GAN: variants seen among roughly 807,000 people sequenced by gnomAD.
The protein encoded by GAN is gigaxonin, also known as epididymis secretory sperm binding protein.
GAN carries 48 observed loss-of-function variants against 71.3 expected under a neutral mutation model. The ratio of observed to expected loss-of-function variants is 0.67; its 90% confidence interval spans 0.53 to 0.86. The LOEUF (loss-of-function observed/expected upper bound fraction) is 0.86. Among genes scored for constraint, GAN ranks in the 40% least tolerant of loss-of-function variants. The pLI, the probability that GAN is intolerant of heterozygous loss-of-function variation, is 0.00. For missense variants in GAN, 928 were observed against 770.1 expected, an observed-to-expected ratio of 1.21 and a Z score of -2.43; for synonymous variants, 386 against 276.8, an observed-to-expected ratio of 1.39 and a Z score of -3.92.
At chr16:81,359,690 A>G (rs1377305889) in intron 5 of GAN, among the ~76,000 whole-genome samples, 1 of 152,122 alleles carries the variant, frequency 6.6e-6, no homozygotes, top group Non-Finnish European at 1.5e-5. Flanking sequence ...TCAATGAGGG[A>G]TGCATTCCAA....
At chr16:81,364,249 T>C (rs1910773915) in intron 7 of GAN, among the ~76,000 whole-genome samples, 4 of 152,104 alleles carry the variant, frequency 2.6e-5, no homozygotes, top group Non-Finnish European at 5.9e-5. Flanking sequence ...TTTCTGTCTT[T>C]CCCTCTCTTA....
At chr16:81,316,638 T>A (rs566456363) in intron 1 of GAN, among the ~76,000 whole-genome samples, 2 of 152,352 alleles carry the variant, frequency 1.3e-5, no homozygotes, top group South Asian at 4.1e-4. Context: ...CTTCCCTGTT[T>A]GGGAAAATGC....
intron 1 of GAN, among the ~76,000 whole-genome samples, chr16:81,347,309 G>A (rs921318595): frequency 5.3e-5 from 8 of 152,172 alleles, no homozygotes; most frequent in Admixed American, 2.6e-4. Context: ...AGGAAAGAAA[G>A]TTGTCTAAAT....
chr16:81,361,797 C>G (rs1910681057), intron 5 of GAN, among the ~76,000 whole-genome samples: 1 of 152,174 alleles, frequency 6.6e-6, no homozygotes, highest in Non-Finnish European at 1.5e-5. Flanking sequence ...TGGGCTCAAG[C>G]GATCCTCCCA....
At chr16:81,363,741 T>C in intron 6 of GAN, 53 bp from the exon 7 acceptor site, 1 of 1,569,166 alleles carries the variant, frequency 6.4e-7, no homozygotes, top group Non-Finnish European at 8.8e-7. Flanking sequence ...GAATATCAGC[T>C]TTCAATATGA....
rs1341261127 is a variant in GAN, at chr16:81,377,917, AG to A, written c.*323del. 1.6e-5 allele frequency: 6 copies of A among 379,732 alleles called. No individual in the cohort carries two copies. The highest frequency in any genetic ancestry group is 7.8e-5 in the Admixed American group (2 of 25,754). The allele number at this position is 379,732 out of a possible 1,614,324, so 23.5% of individuals were successfully genotyped here. A position where few individuals can be genotyped will look rare whatever the true frequency, so the allele number is the denominator to read the frequency against. ...GTAAAATATCAAAGTTAAAATACTA[AG>A]GTGCATTTTCCCTGAAGGGAACTCA... On this transcript the variant is annotated 3_prime_UTR_variant, in exon 11 of 11. Transcript: ENST00000648994.
chr16:81,358,022 T>C, intron 5 of GAN, 91 bp downstream of exon 5: 2 of 1,091,676 alleles, frequency 1.8e-6, no homozygotes, highest in East Asian at 2.4e-5. Flanking sequence ...CTTTTAAAGA[T>C]ACAATTTTAT....
chr16:81,336,187 T>C (rs1248296012), intron 1 of GAN, among the ~76,000 whole-genome samples: 2 of 152,322 alleles, frequency 1.3e-5, no homozygotes, highest in African/African-American at 4.8e-5. Flanking sequence ...TGGCACCCAG[T>C]CCACACCCCA....
In GAN at chr16:81,326,473, C is replaced by T. The variant is rs533514972; in HGVS notation, c.167+11193C>T. The stretch of plus-strand genomic sequence containing the variant: ...GTTTGAACCCGGGAGGCGGAGGTTG[C>T]GAGGAGACGAGATCGCGCCATTGCG... On this transcript the variant is annotated intron_variant, in intron 1 of 10. Transcript: ENST00000648994. Among the ~76,000 whole-genome samples, 10 of 152,038 alleles carry T rather than the reference C, an allele frequency of 6.6e-5. No individual in the cohort carries two copies. In the South Asian group the frequency reaches 1.5e-3, roughly 22 times the overall value.
chr16:81,377,699 T>G lies in GAN; in HGVS notation c.*103T>G. ...AGCTGAAACTCACTCTGTGCTGGGC[T>G]TTGGTATGGTAACTCTTTGGTGGTT... On this transcript the variant is annotated 3_prime_UTR_variant, in exon 11 of 11. Transcript: ENST00000648994. 3.9e-6 allele frequency: 4 copies of G among 1,031,682 alleles called. No individual in the cohort carries two copies. In the South Asian group the frequency reaches 5.1e-5, roughly 13 times the overall value. The allele number at this position is 1,031,682 out of a possible 1,614,324, so 63.9% of individuals were successfully genotyped here.
rs2150703634 is a variant in GAN, at chr16:81,386,195, TG to T, written c.*8600del. The T allele has an allele frequency of 6.6e-6, 1 of 152,380 alleles. No homozygotes were observed. Among genetic ancestry groups the T allele is most frequent in the Admixed American group, 6.5e-5 (1 of 15,308 alleles). 9.4% of individuals were successfully genotyped at this position (152,380 alleles called of 1,614,324 possible). On this transcript the variant is annotated 3_prime_UTR_variant, in exon 11 of 11. Transcript: ENST00000648994. ...TATAAATAACCCTCTGTTTAGAATT[TG>T]CCCAGTGAAATTCTCTAATAATACT...
intron 5 of GAN, among the ~76,000 whole-genome samples, chr16:81,360,126 G>GTAGA (rs1405951214): frequency 2.6e-5 from 4 of 152,136 alleles, no homozygotes; most frequent in Non-Finnish European, 5.9e-5. Context: ...AGGTAGGTAG[G>GTAGA]TAGATAGTGT....
intron 9 of GAN, among the ~76,000 whole-genome samples, chr16:81,373,467 T>C (rs1247744229): frequency 1.3e-5 from 2 of 152,240 alleles, no homozygotes; most frequent in Admixed American, 6.5e-5. Context: ...GGAATAATAC[T>C]GTAGACTTGT....
intron 9 of GAN, among the ~76,000 whole-genome samples, chr16:81,366,868 G>T (rs1380372009): frequency 6.6e-6 from 1 of 151,682 alleles, no homozygotes; most frequent in Non-Finnish European, 1.5e-5. Flanking sequence ...TCTGTCGCCC[G>T]GGCTAGAGTG....
At position 81,380,121 on chromosome 16, in the gene GAN, A is replaced by AT. The variant is rs1386990263; in HGVS notation, c.*2526dup. The stretch of plus-strand genomic sequence containing the variant: ...ATTTTACTATGCTCCAACATTAATC[A>AT]TGACTCTTTTGTAAATTACAGTTAT... On this transcript the variant is annotated 3_prime_UTR_variant, in exon 11 of 11. Transcript: ENST00000648994. 2 of 152,646 alleles carry AT rather than the reference A, an allele frequency of 1.3e-5. No individual in the cohort carries two copies. The highest frequency in any genetic ancestry group is 2.9e-5 in the Non-Finnish European group (2 of 68,038). 9.5% of individuals were successfully genotyped at this position (152,646 alleles called of 1,614,324 possible).
intron 1 of GAN, among the ~76,000 whole-genome samples, chr16:81,328,635 C>T (rs1909468018): frequency 7.6e-6 from 1 of 131,092 alleles, no homozygotes. Flanking sequence ...AAAGACCCTA[C>T]CAGTGTGTAT....
chr16:81,336,537 C>G (rs74491126), intron 1 of GAN, among the ~76,000 whole-genome samples: 3,215 of 152,220 alleles, frequency 0.021, 60 homozygotes, highest in East Asian at 0.082. Context: ...GAGCACAGCT[C>G]ACTGTAGCCT....
intron 1 of GAN, among the ~76,000 whole-genome samples, chr16:81,349,517 G>A (rs1308215919): frequency 6.6e-6 from 1 of 152,062 alleles, no homozygotes; most frequent in African/African-American, 2.4e-5. Flanking sequence ...GGTGGTGTGA[G>A]CCTGTAGTTC....
At chr16:81,356,661 C>T (rs1488509864) in intron 3 of GAN, 124 bp from the exon 4 acceptor site, 1 of 779,986 alleles carries the variant, frequency 1.3e-6, no homozygotes, top group East Asian at 2.4e-5. Flanking sequence ...GAGTGTGTCT[C>T]ACTTGCCTGG....
Sources: allele counts gnomAD v4.1 joint callset (sites outside exome capture counted in the v4.1 genomes callset), GRCh38; gene constraint gnomAD v4.1.1; transcripts MANE v1.5; gene names NCBI Gene and HGNC (gene_info 2026-07-23, HGNC 2026-07-21).